TANC2: variants seen among roughly 807,000 people sequenced by gnomAD.
The protein encoded by TANC2 is tetratricopeptide repeat, ankyrin repeat and coiled-coil containing 2.
A neutral mutation model predicts 210.5 loss-of-function variants in TANC2; 26 were observed. The observed-to-expected ratio is 0.12, with a 90% CI of 0.09 to 0.17. TANC2 has a LOEUF of 0.17. TANC2 is among the 10% of genes least tolerant of loss of function. The pLI, the probability that TANC2 is intolerant of heterozygous loss-of-function variation, is 1.00. For synonymous variants in TANC2, 931 were observed against 967.1 expected (o/e 0.96, Z 0.69); for missense variants, 2,129 against 2,608.9 (o/e 0.82, Z 4.01).
At chr17:63,236,527 G>A (rs1292198294) in intron 7 of TANC2, among the ~76,000 whole-genome samples, 1 of 151,978 alleles carries the variant, frequency 6.6e-6, no homozygotes, top group Admixed American at 6.6e-5. Context: ...AATCAATGAA[G>A]TACAAGGCAG....
At chr17:63,092,998 A>G (rs563064192) in intron 3 of TANC2, among the ~76,000 whole-genome samples, 2 of 152,210 alleles carry the variant, frequency 1.3e-5, no homozygotes, top group South Asian at 4.1e-4. Context: ...CCTTTATTAG[A>G]TATGTGTTTT....
chr17:63,415,267 C>T (rs958849209), intron 25 of TANC2, among the ~76,000 whole-genome samples: 1 of 152,188 alleles, frequency 6.6e-6, no homozygotes, highest in Non-Finnish European at 1.5e-5. Context: ...GGTCCAGGGC[C>T]TTCCATTTGC....
chr17:63,069,075 T>C (rs1707616852), intron 2 of TANC2, among the ~76,000 whole-genome samples: 1 of 152,140 alleles, frequency 6.6e-6, no homozygotes, highest in Non-Finnish European at 1.5e-5. Context: ...GATGTAAATA[T>C]GGGAAATCTT....
Position 63,421,094 on chromosome 17 carries a change from A to G in TANC2, c.5364A>G (p.Ala1788=). The G allele has an allele frequency of 6.2e-7, 1 of 1,614,008 alleles. No individual in the cohort carries two copies. Among genetic ancestry groups the G allele is most frequent in the East Asian group, 2.2e-5 (1 of 44,882 alleles). ...ATCTTCCACAGCGACCTTCCTCAGC[A>G]TACCGAGGTGGCGTGAGATACAGCC... is the stretch of plus-strand genomic sequence containing the variant. Residue 1788 remains alanine (A), a synonymous_variant, in exon 28 of 28, where the codon GCA becomes GCG. Coordinates refer to ENST00000689528, the Ensembl canonical transcript of TANC2. The surrounding 1 kb of genome is among the most constrained non-coding windows in gnomAD (Gnocchi z 6.9).
At chr17:63,371,326 C>T (rs1598963901) in intron 14 of TANC2, among the ~76,000 whole-genome samples, 1 of 151,990 alleles carries the variant, frequency 6.6e-6, no homozygotes. Flanking sequence ...ATGAGCCAGG[C>T]GTGGTGGCGT....
chr17:62,976,089 A>G (rs949800696), intron 1 of TANC2, among the ~76,000 whole-genome samples: 2 of 152,186 alleles, frequency 1.3e-5, no homozygotes, highest in Non-Finnish European at 2.9e-5. Context: ...GCTGAGAGAA[A>G]GAGTTTTTGA....
chr17:63,154,261 T>G (rs1455078034), intron 5 of TANC2: 1 of 152,102 alleles, frequency 6.6e-6, no homozygotes, highest in African/African-American at 2.4e-5. Flanking sequence ...TTGTCTAGGG[T>G]CACAAGCAGG....
chr17:63,195,088 AT>A (rs1289339620), intron 6 of TANC2, among the ~76,000 whole-genome samples: 1 of 152,174 alleles, frequency 6.6e-6, no homozygotes, highest in East Asian at 1.9e-4. Context: ...GAATATATTT[AT>A]ATATTGTGTG....
intron 8 of TANC2, among the ~76,000 whole-genome samples, chr17:63,266,531 TC>T (rs2043533494): frequency 6.6e-6 from 1 of 152,176 alleles, no homozygotes; most frequent in Non-Finnish European, 1.5e-5. Flanking sequence ...CTGAGCTGTC[TC>T]CCCTTCCTTT....
At chr17:63,417,452 G>T (rs2048899216) in intron 26 of TANC2, among the ~76,000 whole-genome samples, 1 of 152,044 alleles carries the variant, frequency 6.6e-6, no homozygotes, top group Admixed American at 6.5e-5. Context: ...TGTTTCCAGG[G>T]GTTCTCAGGA....
chr17:63,354,368 TAGAA>T (rs1285793189), intron 13 of TANC2, among the ~76,000 whole-genome samples: 3 of 152,198 alleles, frequency 2.0e-5, no homozygotes, highest in South Asian at 2.1e-4. Flanking sequence ...TTAGGAGAGT[TAGAA>T]AGCCAACTTT....
intron 12 of TANC2, among the ~76,000 whole-genome samples, chr17:63,347,689 TA>T (rs1390144600): frequency 1.3e-5 from 2 of 152,212 alleles, no homozygotes; most frequent in African/African-American, 4.8e-5. Flanking sequence ...CATGCTCATA[TA>T]AAACAAATGA....
chr17:63,127,270 A>G (rs1213295846), intron 4 of TANC2, among the ~76,000 whole-genome samples: 1 of 152,172 alleles, frequency 6.6e-6, no homozygotes, highest in Non-Finnish European at 1.5e-5. Flanking sequence ...TCTAGTTTAT[A>G]CTTATTTTAA....
At chr17:63,136,655 C>A (rs998054135) in intron 4 of TANC2, among the ~76,000 whole-genome samples, 1 of 152,164 alleles carries the variant, frequency 6.6e-6, no homozygotes, top group Admixed American at 6.5e-5. Context: ...ATTAAAATAA[C>A]AATGAGAGGC....
At chr17:62,987,256 G>A (rs896233711) in intron 1 of TANC2, among the ~76,000 whole-genome samples, 1 of 152,134 alleles carries the variant, frequency 6.6e-6, no homozygotes, top group Non-Finnish European at 1.5e-5. Context: ...TCCTGGGGTC[G>A]TGGTGTTCAG....
chr17:63,277,278 C>CT (rs559678371), intron 9 of TANC2, among the ~76,000 whole-genome samples: 20,133 of 141,340 alleles, frequency 0.14, 1,715 homozygotes, highest in Non-Finnish European at 0.2. Flanking sequence ...CCATCTTCTT[C>CT]TTTTTTTTTT....
At chr17:63,047,392 T>C (rs1304278397) in intron 2 of TANC2, among the ~76,000 whole-genome samples, 1 of 152,180 alleles carries the variant, frequency 6.6e-6, no homozygotes, top group African/African-American at 2.4e-5. Context: ...TGTGGATATA[T>C]GTTGAGAAGA....
At chr17:62,990,690 T>G (rs2032816323) in intron 1 of TANC2, among the ~76,000 whole-genome samples, 1 of 151,986 alleles carries the variant, frequency 6.6e-6, no homozygotes, top group Admixed American at 6.6e-5. Context: ...GGTTCCTGGG[T>G]GAATGAGTGG....
intron 1 of TANC2, among the ~76,000 whole-genome samples, chr17:62,977,746 C>G (rs1047914236): frequency 6.6e-6 from 1 of 151,994 alleles, no homozygotes; most frequent in Non-Finnish European, 1.5e-5. Flanking sequence ...TAAACAAACT[C>G]TAGGAGTCAA....
Sources: gnomAD v4.1 joint callset for allele counts (sites outside exome capture counted in the v4.1 genomes callset) on GRCh38, gnomAD v4.1.1 for gene constraint, Gnocchi (gnomAD v3.1) non-coding constraint, MANE v1.5 for transcripts, NCBI Gene and HGNC (gene_info 2026-07-23, HGNC 2026-07-21) for gene names.